The following WDR41 variants were observed in gnomAD, a reference collection of about 807,000 sequenced individuals.
The protein encoded by WDR41 is WD repeat-containing protein 41.
WDR41 carries 63 observed loss-of-function variants against 69.3 expected under a neutral mutation model. The observed-to-expected ratio is 0.91, with a 90% CI of 0.74 to 1.12. The LOEUF (loss-of-function observed/expected upper bound fraction) is 1.12, where lower values mean the gene tolerates loss of function less well. Among genes scored for constraint, WDR41 ranks in the 50% most tolerant of loss-of-function variants. The pLI is 0.00. For missense variants in WDR41, 543 were observed against 534.5 expected (o/e 1.02, Z -0.16); for synonymous variants, 185 against 192.1 (o/e 0.96, Z 0.31).
chr5:77,524,415 C>A (rs1043856801), intron 1 of WDR41, among the ~76,000 whole-genome samples: 1 of 152,060 alleles, frequency 6.6e-6, no homozygotes, highest in African/African-American at 2.4e-5. Flanking sequence ...TAGTGAGACC[C>A]TATCTTGGCA....
intron 1 of WDR41, among the ~76,000 whole-genome samples, chr5:77,573,350 G>A (rs368182456): frequency 1.9e-4 from 29 of 151,804 alleles, no homozygotes; most frequent in Non-Finnish European, 3.5e-4. Flanking sequence ...TACATGTGCC[G>A]TGGTGGTTTG....
At chr5:77,476,256 A>G (rs376553737) in intron 2 of WDR41, among the ~76,000 whole-genome samples, 2 of 152,264 alleles carry the variant, frequency 1.3e-5, no homozygotes, top group East Asian at 3.9e-4. Context: ...TCTGCAGGAT[A>G]TTATACAGGA....
chr5:77,454,608 T>C (rs990261404), intron 5 of WDR41, among the ~76,000 whole-genome samples: 2 of 152,162 alleles, frequency 1.3e-5, no homozygotes, highest in African/African-American at 4.8e-5. Context: ...GGAAAGTGAG[T>C]GTTTCAAGTA....
intron 1 of WDR41, chr5:77,583,039 A>C: frequency 6.3e-7 from 1 of 1,597,428 alleles, no homozygotes; most frequent in Non-Finnish European, 8.5e-7. Context: ...TGGAATGAAG[A>C]AAAAGACCAC....
chr5:77,432,985 G>T lies in WDR41; in HGVS notation c.*150C>A. ...CCTGAGAAGCAACATGTTCCTGGTT[G>T]GTAGGTCCACAAAAAATTTAAACAT... On this transcript the variant is annotated 3_prime_UTR_variant, in exon 13 of 13. Transcript: ENST00000296679. The T allele has an allele frequency of 1.3e-6, 1 of 752,312 alleles. No individual in the cohort carries two copies. Among genetic ancestry groups the T allele is most frequent in the Non-Finnish European group, 2.1e-6 (1 of 482,526 alleles). 46.6% of individuals were successfully genotyped at this position (752,312 alleles called of 1,614,324 possible). A position where few individuals can be genotyped will look rare whatever the true frequency, so the allele number is the denominator to read the frequency against.
intron 1 of WDR41, among the ~76,000 whole-genome samples, chr5:77,613,593 T>C (rs1238354650): frequency 6.6e-6 from 1 of 152,210 alleles, no homozygotes; most frequent in Non-Finnish European, 1.5e-5. Context: ...GCTAGCCATA[T>C]GGAGAAAGCT....
chr5:77,512,331 T>TGAGTGAGAGAGAGAGA (rs1554034068), intron 1 of WDR41, among the ~76,000 whole-genome samples: 7 of 87,962 alleles, frequency 8.0e-5, no homozygotes, highest in African/African-American at 3.6e-4. Context: ...ATGGGGTGAG[T>TGAGTGAGAGAGAGAGA]GAGAGAGAGA....
At chr5:77,567,869 C>A (rs188814115) in intron 1 of WDR41, among the ~76,000 whole-genome samples, 210 of 151,950 alleles carry the variant, frequency 1.4e-3, no homozygotes, top group Middle Eastern at 0.01. Flanking sequence ...CCGACCCCAG[C>A]CTCATCCCAC....
At chr5:77,556,166 C>T (rs1039661793) in intron 1 of WDR41, among the ~76,000 whole-genome samples, 10 of 124,996 alleles carry the variant, frequency 8.0e-5, no homozygotes, top group Non-Finnish European at 3.1e-5. Flanking sequence ...TGCAGTGGTG[C>T]GATCTCGGCC....
chr5:77,598,105 T>C (rs1012832422), intron 1 of WDR41, among the ~76,000 whole-genome samples: 2 of 152,246 alleles, frequency 1.3e-5, no homozygotes, highest in African/African-American at 2.4e-5. Flanking sequence ...ACATTTGTGA[T>C]TGTATCTAGC....
At chr5:77,533,214 A>G (rs1742898784) in intron 1 of WDR41, among the ~76,000 whole-genome samples, 1 of 152,178 alleles carries the variant, frequency 6.6e-6, no homozygotes, top group South Asian at 2.1e-4. Flanking sequence ...AATTCCTCAC[A>G]GATCTCTGCA....
At chr5:77,452,837 C>G (rs1193008119) in intron 6 of WDR41, 1 of 152,166 alleles carries the variant, frequency 6.6e-6, no homozygotes, top group Non-Finnish European at 1.5e-5. Context: ...CAGGAACACA[C>G]AGAAGATTCT....
intron 1 of WDR41, among the ~76,000 whole-genome samples, chr5:77,547,542 A>T (rs1743221245): frequency 6.6e-6 from 1 of 151,878 alleles, no homozygotes; most frequent in Non-Finnish European, 1.5e-5. Flanking sequence ...AAAAAAAACA[A>T]ACAAAAAATA....
At chr5:77,563,238 C>T (rs1743557104) in intron 1 of WDR41, among the ~76,000 whole-genome samples, 1 of 152,104 alleles carries the variant, frequency 6.6e-6, no homozygotes, top group Non-Finnish European at 1.5e-5. Flanking sequence ...CCACTTCAAT[C>T]ACCACATACA....
rs149272867 is a variant in WDR41 at position 77,459,097 on chromosome 5, C to G, written c.376G>C (p.Val126Leu). The G allele has an allele frequency of 2.8e-5, 45 of 1,602,312 alleles. No individual in the cohort carries two copies. The African/African-American group carries it at 5.6e-4, about 20-fold the overall frequency. Residue 126 changes from valine to leucine, a missense_variant, in exon 5 of 13, where the codon GTT (valine) becomes CTT (leucine). Coordinates refer to ENST00000296679, the MANE Select transcript of WDR41 (RefSeq NM_018268.4). ...IVWDGDTTRQ[V>L]QRISCFQSTV... ...GACTGGAAGCATGATATTCTCTGAA[C>G]TTGTCTGGTAGTATCACCATCCCAC...
chr5:77,475,108 C>T (rs4704426), intron 2 of WDR41, among the ~76,000 whole-genome samples: 8,156 of 152,254 alleles, frequency 0.054, 362 homozygotes, highest in Admixed American at 0.13. Flanking sequence ...GCTTTTCCGA[C>T]GGGCTTAAAA....
intron 1 of WDR41, among the ~76,000 whole-genome samples, chr5:77,519,981 TA>T (rs1802349128): frequency 6.6e-6 from 1 of 152,048 alleles, no homozygotes; most frequent in Non-Finnish European, 1.5e-5. Flanking sequence ...GAAAAACACC[TA>T]AAAAATGTTT....
intron 1 of WDR41, among the ~76,000 whole-genome samples, chr5:77,571,686 A>G (rs529348206): frequency 2.6e-4 from 39 of 152,182 alleles, no homozygotes; most frequent in African/African-American, 8.4e-4. Context: ...CACAGAGAGC[A>G]CTCTCTTCCT....
At chr5:77,539,902 C>A (rs778571190) in intron 1 of WDR41, among the ~76,000 whole-genome samples, 1 of 152,218 alleles carries the variant, frequency 6.6e-6, no homozygotes, top group East Asian at 1.9e-4. Flanking sequence ...ACCTAACCAC[C>A]CTCCCAACAA....
Sources: gnomAD v4.1 joint callset for allele counts (sites outside exome capture counted in the v4.1 genomes callset) on GRCh38, gnomAD v4.1.1 for gene constraint, MANE v1.5 for transcripts, NCBI Gene and HGNC (gene_info 2026-07-23, HGNC 2026-07-21) for gene names.